The following SLC6A12 variants were observed in gnomAD, a reference collection of about 807,000 sequenced individuals.
SLC6A12 encodes the protein sodium- and chloride-dependent betaine transporter.
Under a neutral mutation model 73.3 loss-of-function variants are expected in SLC6A12, and 50 were observed. The observed-to-expected ratio is 0.68, with a 90% confidence interval of 0.54 to 0.86. SLC6A12 has a LOEUF of 0.86. Among genes scored for constraint, SLC6A12 ranks in the 40% least tolerant of loss-of-function variants. The probability of loss-of-function intolerance (pLI) is 0.00; values close to 1 mark genes in which losing one functional copy is unlikely to be tolerated. For synonymous variants in SLC6A12, 304 were observed against 309.2 expected (o/e 0.98, Z 0.18); for missense variants, 648 against 772.8 (o/e 0.84, Z 1.92).
downstream of SLC6A12, among the ~76,000 whole-genome samples, chr12:188,339 C>T (rs1176621261): frequency 6.6e-6 from 1 of 152,072 alleles, no homozygotes; most frequent in Non-Finnish European, 1.5e-5. Flanking sequence ...CTCACTGCCC[C>T]GGGCCGGCGG....
chr12:204,490 G>A, intron 4 of SLC6A12, 74 bp downstream of exon 4: 4 of 1,411,216 alleles, frequency 2.8e-6, no homozygotes, highest in Non-Finnish European at 4.0e-6. Flanking sequence ...CGGATGGGTA[G>A]GCAGGGAGAG....
chr12:193,328 T>C lies in SLC6A12; in HGVS notation c.1479A>G (p.Pro493=), dbSNP rs750737377. ...DNIEDMIGYR[P]WPLVKISWLF... is the part of the protein sequence containing the mutation. ...GCCAGGAGATCTTCACCAGGGGCCA[T>C]GGCCGGTAGCCAATCATGTCCTCAA... is the stretch of plus-strand genomic sequence containing the variant. Residue 493 remains proline, a synonymous_variant, in exon 14 of 16, where the codon CCA becomes CCG. Coordinates refer to ENST00000684302, the MANE Select transcript of SLC6A12 (RefSeq NM_001122848.3). 3.7e-6 allele frequency: 6 copies of C among 1,613,956 alleles called. No homozygotes were observed. Among genetic ancestry groups the C allele is most frequent in the African/African-American group, 1.3e-5 (1 of 74,910 alleles).
Position 194,699 on chromosome 12 carries a change from G to A in SLC6A12, c.1429+526C>T, listed in dbSNP as rs75834383. ...AGTATGGTAGCTATCTCAGTCTGAG[G>A]GGGCCAGGCTGCTGGCGGAAGTCAG... On this transcript the variant is annotated intron_variant, in intron 13 of 15. Transcript: ENST00000684302. Among the ~76,000 whole-genome samples, 120 of 152,312 alleles carry A rather than the reference G, an allele frequency of 7.9e-4. 3 individuals are homozygous for A. The East Asian group carries it at 0.022, about 27-fold the overall frequency.
downstream of SLC6A12, among the ~76,000 whole-genome samples, chr12:188,992 G>T (rs1023109372): frequency 6.6e-6 from 1 of 152,242 alleles, no homozygotes; most frequent in African/African-American, 2.4e-5. Context: ...GTGCGCTAAA[G>T]CCAGGGGGTC....
chr12:191,116 G>A lies in SLC6A12; in HGVS notation c.1797C>T (p.Ser599=). ...DGSAGRNFGP[S]PTREGLIAGE... Reference sequence around the variant, plus strand: ...CGGCTATCAGTCCTTCCCTTGTTGGGGAGGGCCCAAAGTTCCGGCCAGCAC... The same window carrying A: ...CGGCTATCAGTCCTTCCCTTGTTGGAGAGGGCCCAAAGTTCCGGCCAGCAC... Residue 599 remains serine (S), a synonymous_variant, in exon 16 of 16, where the codon TCC becomes TCT. Transcript: ENST00000684302. The A allele has an allele frequency of 7.4e-7, 1 of 1,356,036 alleles. No individual in the cohort carries two copies. Among genetic ancestry groups the A allele is most frequent in the Non-Finnish European group, 9.6e-7 (1 of 1,040,804 alleles). The allele number at this position is 1,356,036 out of a possible 1,614,324, so 84.0% of individuals were successfully genotyped here.
intron 13 of SLC6A12, among the ~76,000 whole-genome samples, chr12:193,806 A>C (rs1939737062): frequency 6.6e-6 from 1 of 152,218 alleles, no homozygotes; most frequent in Admixed American, 6.5e-5. Flanking sequence ...GAAAACTCAT[A>C]GAGGGCTAGA....
At chr12:200,408 G>A (rs1165735291) in intron 7 of SLC6A12, among the ~76,000 whole-genome samples, 8 of 152,150 alleles carry the variant, frequency 5.3e-5, no homozygotes, top group Admixed American at 2.0e-4. Context: ...GCACCCGGCA[G>A]CCCTGAATAT....
intron 4 of SLC6A12, chr12:204,244 A>G (rs980093221): frequency 9.1e-6 from 3 of 329,546 alleles, no homozygotes; most frequent in Non-Finnish European, 1.7e-5. Flanking sequence ...GTAGAGCCAT[A>G]GGTAAGCCAA....
At chr12:184,926 G>GTA in the SLC6A12 span, among the ~76,000 whole-genome samples, 85 of 111,200 alleles carry the variant, frequency 7.6e-4, no homozygotes, top group South Asian at 0.024. Context: ...GAATGAAACT[G>GTA]TCTCAAAAAA....
At chr12:201,707 C>T in intron 6 of SLC6A12, 55 bp downstream of exon 6, 3 of 1,392,552 alleles carry the variant, frequency 2.2e-6, no homozygotes, top group South Asian at 2.3e-5. Context: ...CAGACTTGCA[C>T]AGCTCAGACA....
chr12:191,195 A>G lies in SLC6A12; in HGVS notation c.1718T>C (p.Ile573Thr), dbSNP rs1186535878. The G allele has an allele frequency of 7.8e-7, 1 of 1,286,024 alleles. No homozygotes were observed. Among genetic ancestry groups the G allele is most frequent in the Non-Finnish European group, 9.9e-7 (1 of 1,005,682 alleles). 79.7% of individuals were successfully genotyped at this position (1,286,024 alleles called of 1,614,324 possible). The change falls in exon 16 of 16, where the codon ATC (isoleucine) becomes ACC (threonine). Residue 573 changes from isoleucine (I) to threonine (T), a missense_variant. Ile to Thr is a moderately conservative substitution (Grantham distance 89). Transcript: ENST00000684302. ...CTGTGGCAGACTGGAGTCAGGGGTGATGAGCTGACGCAGACGCTGTGGAGA... is the reference window on the plus strand; with the variant it reads ...CTGTGGCAGACTGGAGTCAGGGGTGGTGAGCTGACGCAGACGCTGTGGAGA... ...GPFRKRLRQL[I>T]TPDSSLPQPK...
intron 6 of SLC6A12, 55 bp from the exon 7 acceptor site, chr12:200,838 C>G: frequency 6.4e-7 from 1 of 1,562,456 alleles, no homozygotes; most frequent in Non-Finnish European, 8.7e-7. Flanking sequence ...GGACAGTTTG[C>G]GTCTGTCAGC....
chr12:190,150 A>T lies in SLC6A12; in HGVS notation c.*918T>A, dbSNP rs1939531661. 6.6e-6 allele frequency: 1 copy of T among 152,240 alleles called. No individual in the cohort carries two copies. Among genetic ancestry groups the T allele is most frequent in the African/African-American group, 2.4e-5 (1 of 41,450 alleles). 9.4% of individuals were successfully genotyped at this position (152,240 alleles called of 1,614,324 possible). The stretch of plus-strand genomic sequence containing the variant: ...ATGGGAAGACACTGGCCTGAGCACA[A>T]GGAGATAAGGTTTTAGTCATATCTC... On this transcript the variant is annotated 3_prime_UTR_variant, in exon 16 of 16. Coordinates refer to ENST00000684302, the MANE Select transcript of SLC6A12 (RefSeq NM_001122848.3).
At position 197,849 on chromosome 12, in the gene SLC6A12, T is replaced by C. The variant is rs59944636; in HGVS notation, c.950+51A>G. 0.039 allele frequency: 50,209 copies of C among 1,292,682 alleles called. 3,824 individuals are homozygous for C. The highest frequency in any genetic ancestry group is 0.25 in the African/African-American group (15,517 of 63,056). The allele number at this position is 1,292,682 out of a possible 1,614,324, so 80.1% of individuals were successfully genotyped here. A position where few individuals can be genotyped will look rare whatever the true frequency, so the allele number is the denominator to read the frequency against. On this transcript the variant is annotated intron_variant, in intron 9 of 15. Coordinates refer to ENST00000684302, the MANE Select transcript of SLC6A12 (RefSeq NM_001122848.3). ...ACTATGGGTCTTTGCCCAGAACCCATCCCCAGGCCCCAACCCTCCTTCACC... is the reference window on the plus strand; with the variant it reads ...ACTATGGGTCTTTGCCCAGAACCCACCCCCAGGCCCCAACCCTCCTTCACC...
intron 4 of SLC6A12, 99 bp from the exon 5 acceptor site, chr12:202,979 G>T: frequency 1.0e-6 from 1 of 989,698 alleles, no homozygotes. Context: ...GGTATTGGGT[G>T]CTACACAAAG....
chr12:208,325 T>C (rs969145507), intron 3 of SLC6A12, among the ~76,000 whole-genome samples: 2 of 152,160 alleles, frequency 1.3e-5, no homozygotes, highest in Non-Finnish European at 2.9e-5. Context: ...AGCCTACCGC[T>C]ATTTCTTAGG....
downstream of SLC6A12, among the ~76,000 whole-genome samples, chr12:187,647 G>A (rs573443401): frequency 4.5e-3 from 545 of 122,368 alleles, 4 homozygotes; most frequent in Non-Finnish European, 7.0e-3. Flanking sequence ...CACACACACA[G>A]CACCCACTGC....
rs557333200 is a variant in SLC6A12, at chr12:213,377, C to G, written c.-143+545G>C. The stretch of plus-strand genomic sequence containing the variant: ...CTCAGCTGGTGGCTGCCTGCAACTC[C>G]CCTGAGTGCCCCCCTCGGGTACAAG... On this transcript the variant is annotated intron_variant, in intron 1 of 15. Coordinates refer to ENST00000684302, the MANE Select transcript of SLC6A12 (RefSeq NM_001122848.3). This position sits in a 1 kb window ranked among gnomAD's most constrained non-coding sequence, Gnocchi z 5.3. 1 of 152,516 alleles carries G rather than the reference C, an allele frequency of 6.6e-6. No homozygotes were observed. The highest frequency in any genetic ancestry group is 1.5e-5 in the Non-Finnish European group (1 of 68,242). 9.4% of individuals were successfully genotyped at this position (152,516 alleles called of 1,614,324 possible). A position where few individuals can be genotyped will look rare whatever the true frequency, so the allele number is the denominator to read the frequency against.
chr12:192,762 A>C (rs1175223268), intron 14 of SLC6A12, 114 bp from the exon 15 acceptor site: 1 of 958,818 alleles, frequency 1.0e-6, no homozygotes, highest in African/African-American at 1.6e-5. Flanking sequence ...CACGTCTGTA[A>C]GGTGGAAGAG....
Sources: allele counts gnomAD v4.1 joint callset (sites outside exome capture counted in the v4.1 genomes callset), GRCh38; gene constraint gnomAD v4.1.1; non-coding constraint Gnocchi (gnomAD v3.1); transcripts MANE v1.5; gene names NCBI Gene and HGNC (gene_info 2026-07-23, HGNC 2026-07-21).